The following SOX17 variants were observed in gnomAD, a reference collection of about 807,000 sequenced individuals.
SOX17 encodes transcription factor SOX-17.
In SOX17, 4 loss-of-function variants were observed where a neutral mutation model predicts 16.0. The observed-to-expected ratio is 0.25, with a 90% CI of 0.12 to 0.57. SOX17 has a LOEUF of 0.57. SOX17 is among the 20% of genes least tolerant of loss of function. SOX17 has a pLI of 0.92. For missense variants in SOX17, 633 were observed against 609.7 expected, an observed-to-expected ratio of 1.04 and a Z score of -0.40; for synonymous variants, 357 against 284.6, an observed-to-expected ratio of 1.25 and a Z score of -2.56.
Position 54,459,884 on chromosome 8 carries a change from CT to C in SOX17, c.1135del (p.Tyr379ThrfsTer8), listed in dbSNP as rs1804714051. The stretch of plus-strand genomic sequence containing the variant: ...TGTGCAAGCCTGAGATGGGCCTCCC[CT>C]ACCAGGGGCATGACTCCGGTGTGAA... The part of the protein sequence containing the change: ...FVCKPEMGLP[Y>X]QGHDSGVNLP... On this transcript the variant is annotated frameshift_variant, in exon 2 of 2. Transcript: ENST00000297316. LOFTEE classifies it high-confidence loss of function. 6.2e-7 allele frequency: 1 copy of C among 1,613,792 alleles called. No homozygotes were observed. The highest frequency in any genetic ancestry group is 8.5e-7 in the Non-Finnish European group (1 of 1,180,048).
rs1804695143 is a variant in SOX17 at position 54,459,376 on chromosome 8, T to G, written c.626T>G (p.Leu209Arg). 6.4e-7 allele frequency: 1 copy of G among 1,559,200 alleles called. No individual in the cohort carries two copies. The highest frequency in any genetic ancestry group is 8.6e-7 in the Non-Finnish European group (1 of 1,163,570). Residue 209 changes from leucine (L) to arginine (R), a missense_variant, in exon 2 of 2, where the codon CTG (leucine) becomes CGG (arginine). Leu to Arg is a moderately radical substitution (Grantham distance 102). Around this residue, in one of 5 missense-constraint regions of SOX17, gnomAD observed 479 missense variants for 397.2 expected, o/e 1.21. Coordinates refer to ENST00000297316, the MANE Select transcript of SOX17 (RefSeq NM_022454.4). The part of the protein sequence containing the change: ...MGGHYRDCQS[L>R]GAPPLDGYPL... ...GGCCACTACCGCGACTGCCAGAGTCTGGGCGCGCCTCCGCTCGACGGCTAC... is the reference window on the plus strand; with the variant it reads ...GGCCACTACCGCGACTGCCAGAGTCGGGGCGCGCCTCCGCTCGACGGCTAC...
chr8:54,459,310 G>A lies in SOX17; in HGVS notation c.560G>A (p.Gly187Asp), dbSNP rs780380619. 1.3e-6 allele frequency: 2 copies of A among 1,518,974 alleles called. No homozygotes were observed. Among genetic ancestry groups the A allele is most frequent in the Non-Finnish European group, 1.8e-6 (2 of 1,141,124 alleles). 94.1% of individuals were successfully genotyped at this position (1,518,974 alleles called of 1,614,324 possible). Residue 187 changes from glycine (G) to aspartate (D), a missense_variant, in exon 2 of 2, where the codon GGC becomes GAC. Around this residue, in one of 5 missense-constraint regions of SOX17, gnomAD observed 479 missense variants for 397.2 expected, o/e 1.21. Coordinates refer to ENST00000297316, the MANE Select transcript of SOX17 (RefSeq NM_022454.4). ...CTGGGCCTCCAGTTCCCCGAGCAGG[G>A]CTTCCCCGCCGGCCCGCCGCTGCTG... ...DGLGLQFPEQ[G>D]FPAGPPLLPP... is the part of the protein sequence containing the mutation.
rs544794356 is a variant in SOX17, at chr8:54,459,558, A to T, written c.808A>T (p.Met270Leu). ...CCCCCCGGAGCCTCCCGCCGGTCCC[A>T]TGCACCCCCGACTCGGCCCAGAGCC... The part of the protein sequence containing the change: ...AGPPEPPAGP[M>L]HPRLGPEPAG... Residue 270 changes from methionine to leucine, a missense_variant, in exon 2 of 2, where the codon ATG (methionine) becomes TTG (leucine). By Grantham distance (15) the Met-to-Leu change is conservative. Around this residue, in one of 5 missense-constraint regions of SOX17, gnomAD observed 479 missense variants for 397.2 expected, o/e 1.21. Coordinates refer to ENST00000297316, the MANE Select transcript of SOX17 (RefSeq NM_022454.4). 738 of 1,535,048 alleles carry T rather than the reference A, an allele frequency of 4.8e-4. 3 individuals carry two copies. The East Asian group carries it at 0.011, about 22-fold the overall frequency.
In SOX17 at chr8:54,458,271, A is replaced by G. The variant is rs1179884886; in HGVS notation, c.133A>G (p.Lys45Glu). Residue 45 changes from lysine to glutamate, a missense_variant, in exon 1 of 2, where the codon AAG becomes GAG. This residue lies in a region of SOX17 where 94 missense variants were observed against 98.7 expected (regional missense o/e 0.95). Coordinates refer to ENST00000297316, the MANE Select transcript of SOX17 (RefSeq NM_022454.4). ...GAGCCCCATCGGGGACATGAAGGTGAAGGGCGAGGCGCCGGCGAACAGCGG... is the reference window on the plus strand; with the variant it reads ...GAGCCCCATCGGGGACATGAAGGTGGAGGGCGAGGCGCCGGCGAACAGCGG... ...SLSPIGDMKV[K>E]GEAPANSGAP... 6.2e-7 allele frequency: 1 copy of G among 1,608,346 alleles called. No homozygotes were observed. Among genetic ancestry groups the G allele is most frequent in the Non-Finnish European group, 8.5e-7 (1 of 1,178,028 alleles).
At chr8:54,458,564 G>A (rs1563870385) in intron 1 of SOX17, 119 bp downstream of exon 1, 1 of 1,244,168 alleles carries the variant, frequency 8.0e-7, no homozygotes, top group Non-Finnish European at 1.1e-6. Flanking sequence ...GTGTGTAGCG[G>A]CCACGTCCTT....
chr8:54,459,690 C>A lies in SOX17; in HGVS notation c.940C>A (p.Gln314Lys). Residue 314 changes from glutamine to lysine, a missense_variant, in exon 2 of 2, where the codon CAG becomes AAG. By Grantham distance (53) the Gln-to-Lys change is moderately conservative. Transcript: ENST00000297316. The part of the protein sequence containing the change: ...GAGGGRGFQM[Q>K]PQHQHQHQHQ... ...GGGCGGCGGGCGCGGCTTCCAGATG[C>A]AGCCGCAACACCAGCACCAGCACCA... is the stretch of plus-strand genomic sequence containing the variant. The A allele has an allele frequency of 6.5e-7, 1 of 1,540,492 alleles. No individual in the cohort carries two copies. The highest frequency in any genetic ancestry group is 8.7e-7 in the Non-Finnish European group (1 of 1,147,614).
rs780773221 is a variant in SOX17, at chr8:54,458,462, G to C, written c.307+17G>C. The C allele has an allele frequency of 2.5e-6, 4 of 1,612,398 alleles. No individual in the cohort carries two copies. Among genetic ancestry groups the C allele is most frequent in the East Asian group, 4.5e-5 (2 of 44,862 alleles). On this transcript the variant is annotated intron_variant, in intron 1 of 1. Transcript: ENST00000297316. ...AGATGCTGGGTGAGTCCGAGTCGCA[G>C]ACCCAGGCGGCCGGGCGCGCTGGCG...
At chr8:54,459,008 G>T (rs927891540) in intron 1 of SOX17, 50 bp from the exon 2 acceptor site, 1 of 1,485,608 alleles carries the variant, frequency 6.7e-7, no homozygotes, top group Non-Finnish European at 9.0e-7. Flanking sequence ...TGGAGCGGGA[G>T]CGCAGCCGAT....
chr8:54,459,098 C>T lies in SOX17; in HGVS notation c.348C>T (p.Pro116=), dbSNP rs767073559. 9 of 1,608,692 alleles carry T rather than the reference C, an allele frequency of 5.6e-6. No homozygotes were observed. Among genetic ancestry groups the T allele is most frequent in the East Asian group, 2.3e-5 (1 of 44,256 alleles). The change falls in exon 2 of 2, where the codon CCC becomes CCT. Residue 116 remains proline, a synonymous_variant. Transcript: ENST00000297316. ...WKALTLAEKR[P]FVEEAERLRV... ...CGCTGACGCTGGCGGAGAAGCGGCC[C>T]TTCGTGGAGGAGGCAGAGCGGCTGC...
chr8:54,459,642 G>A lies in SOX17; in HGVS notation c.892G>A (p.Gly298Ser), dbSNP rs764648837. 1.4e-5 allele frequency: 22 copies of A among 1,536,978 alleles called. No individual in the cohort carries two copies. In the Admixed American group the frequency reaches 4.3e-4, roughly 30 times the overall value. The change falls in exon 2 of 2, where the codon GGC (glycine) becomes AGC (serine). Residue 298 changes from glycine (G) to serine (S), a missense_variant. By Grantham distance (56) the Gly-to-Ser change is moderately conservative (BLOSUM62 0). Around this residue, in one of 5 missense-constraint regions of SOX17, gnomAD observed 479 missense variants for 397.2 expected, o/e 1.21. Coordinates refer to ENST00000297316, the MANE Select transcript of SOX17 (RefSeq NM_022454.4). ...APPSALHVYYGAMGSPGAGGG... is the reference protein window; with the variant it reads ...APPSALHVYYSAMGSPGAGGG... ...ACCCAGCGCCCTTCACGTGTACTAC[G>A]GCGCGATGGGCTCGCCCGGGGCGGG...
In SOX17 at chr8:54,459,182, G is replaced by A. The variant is rs1467407758; in HGVS notation, c.432G>A (p.Gln144=). The A allele has an allele frequency of 6.2e-7, 1 of 1,602,706 alleles. No individual in the cohort carries two copies. ...AGTACCGGCCGCGGCGGCGCAAGCA[G>A]GTGAAGCGGCTGAAGCGGGTGGAGG... ...NYKYRPRRRK[Q]VKRLKRVEGG... Residue 144 remains glutamine, a synonymous_variant, in exon 2 of 2, where the codon CAG becomes CAA. Coordinates refer to ENST00000297316, the MANE Select transcript of SOX17 (RefSeq NM_022454.4).
rs780318574 is a variant in SOX17 at position 54,459,362 on chromosome 8, C to A, written c.612C>A (p.Arg204=). Residue 204 remains arginine, a synonymous_variant, in exon 2 of 2, where the codon CGC becomes CGA. Transcript: ENST00000297316. Reference sequence around the variant, plus strand: ...CTCCGCACATGGGCGGCCACTACCGCGACTGCCAGAGTCTGGGCGCGCCTC... The same window carrying A: ...CTCCGCACATGGGCGGCCACTACCGAGACTGCCAGAGTCTGGGCGCGCCTC... ...LLPPHMGGHY[R]DCQSLGAPPL... is the part of the protein sequence containing the mutation. The A allele has an allele frequency of 1.9e-6, 3 of 1,558,572 alleles. No individual in the cohort carries two copies. The highest frequency in any genetic ancestry group is 2.3e-5 in the South Asian group (2 of 85,750).
rs1804724175 is a variant in SOX17, at chr8:54,460,466, A to G, written c.*471A>G. The G allele has an allele frequency of 3.9e-6, 1 of 254,782 alleles. No individual in the cohort carries two copies. The highest frequency in any genetic ancestry group is 7.6e-6 in the Non-Finnish European group (1 of 130,778). 15.8% of individuals were successfully genotyped at this position (254,782 alleles called of 1,614,324 possible). On this transcript the variant is annotated 3_prime_UTR_variant, in exon 2 of 2. Transcript: ENST00000297316. ...GTTTATTAGTTAATGTAAATTTCTC[A>G]TCCTCGAAAAGGGTGAACATAAATG...
chr8:54,458,088 G>A lies in SOX17; in HGVS notation c.-51G>A. 7.0e-7 allele frequency: 1 copy of A among 1,432,864 alleles called. No individual in the cohort carries two copies. The allele number at this position is 1,432,864 out of a possible 1,614,324, so 88.8% of individuals were successfully genotyped here. On this transcript the variant is annotated 5_prime_UTR_variant, in exon 1 of 2. Transcript: ENST00000297316. ...CCACCCCCTCCCCCGGGTCGGGGGA[G>A]GCGGCGCGTCCGGCGGAGGGTTGAG...
Position 54,459,799 on chromosome 8 carries a change from A to T in SOX17, c.1049A>T (p.Gln350Leu). 1 of 1,609,434 alleles carries T rather than the reference A, an allele frequency of 6.2e-7. No homozygotes were observed. The highest frequency in any genetic ancestry group is 8.5e-7 in the Non-Finnish European group (1 of 1,178,524). Residue 350 changes from glutamine to leucine, a missense_variant, in exon 2 of 2, where the codon CAG (glutamine) becomes CTG (leucine). Coordinates refer to ENST00000297316, the MANE Select transcript of SOX17 (RefSeq NM_022454.4). ...TGCCGGGACGGCACGGACCCCAGTC[A>T]GCCCGCCGAGCTCCTCGGGGAGGTG... ...LPCRDGTDPS[Q>L]PAELLGEVDR...
At chr8:54,459,003 CG>C in intron 1 of SOX17, 54 bp from the exon 2 acceptor site, 1 of 1,463,824 alleles carries the variant, frequency 6.8e-7, no homozygotes. Flanking sequence ...GGGCCTGGAG[CG>C]GGAGCGCAGC....
At position 54,459,606 on chromosome 8, in the gene SOX17, C is replaced by T. The variant is rs1381547285; in HGVS notation, c.856C>T (p.Leu286Phe). Residue 286 changes from leucine (L) to phenylalanine (F), a missense_variant, in exon 2 of 2, where the codon CTC becomes TTC. Leu to Phe is a conservative substitution (Grantham distance 22). Coordinates refer to ENST00000297316, the MANE Select transcript of SOX17 (RefSeq NM_022454.4). ...PEPAGPSIPG[L>F]LAPPSALHVY... ...GCCCGCGGGTCCCTCGATTCCGGGC[C>T]TCCTGGCGCCACCCAGCGCCCTTCA... The T allele has an allele frequency of 9.1e-6, 14 of 1,540,976 alleles. No homozygotes were observed. Among genetic ancestry groups the T allele is most frequent in the Middle Eastern group, 3.5e-4 (2 of 5,702 alleles).
At chr8:54,458,964 G>A (rs1321836520) in intron 1 of SOX17, 94 bp from the exon 2 acceptor site, 3 of 1,161,770 alleles carry the variant, frequency 2.6e-6, no homozygotes, top group East Asian at 2.9e-5. Context: ...AAGTCTGAGG[G>A]GGGAGGTGCG....
rs2129278492 is a variant in SOX17, at chr8:54,460,040, C to A, written c.*45C>A. On this transcript the variant is annotated 3_prime_UTR_variant, in exon 2 of 2. Transcript: ENST00000297316. ...AGCCTGCAGGCCAGAAGCAGTGTTA[C>A]ACACTTCCTGGAGGAGCTAAGGAAA... The A allele has an allele frequency of 6.3e-7, 1 of 1,598,128 alleles. No individual in the cohort carries two copies. The highest frequency in any genetic ancestry group is 8.6e-7 in the Non-Finnish European group (1 of 1,166,662).
Sources: allele counts gnomAD v4.1 joint callset, GRCh38; gene constraint gnomAD v4.1.1; regional missense constraint gnomAD v4.1.1; transcripts MANE v1.5; gene names NCBI Gene and HGNC (gene_info 2026-07-23, HGNC 2026-07-21).